Variants in MIPOL1 observed in about 807,000 individuals in gnomAD.
MIPOL1 encodes mirror-image polydactyly gene 1 protein.
In MIPOL1, 57 loss-of-function variants were observed where a neutral mutation model predicts 60.9. That is an observed-to-expected ratio of 0.94 (90% confidence interval 0.76 to 1.17). The LOEUF is 1.17. MIPOL1 is among the 50% of genes most tolerant of loss of function. The pLI is 0.00. For synonymous variants in MIPOL1, 179 were observed against 168.8 expected, an observed-to-expected ratio of 1.06 and a Z score of -0.47; for missense variants, 551 against 511.6, an observed-to-expected ratio of 1.08 and a Z score of -0.74.
At chr14:37,207,328 T>C (rs745416365) in intron 1 of MIPOL1, among the ~76,000 whole-genome samples, 8 of 152,098 alleles carry the variant, frequency 5.3e-5, no homozygotes, top group Admixed American at 1.3e-4. Flanking sequence ...CCTTTTACCT[T>C]CCATGATGAT....
intron 6 of MIPOL1, among the ~76,000 whole-genome samples, chr14:37,272,840 A>G (rs1260347900): frequency 6.6e-6 from 1 of 151,616 alleles, no homozygotes; most frequent in African/African-American, 2.4e-5. Context: ...AAAAAGATCA[A>G]ACCATTTCAC....
chr14:37,288,339 T>C (rs761282160), intron 7 of MIPOL1, among the ~76,000 whole-genome samples: 1 of 151,866 alleles, frequency 6.6e-6, no homozygotes, highest in Non-Finnish European at 1.5e-5. Flanking sequence ...AAAAGAGAGA[T>C]AGGGAGTGGG....
intron 12 of MIPOL1, among the ~76,000 whole-genome samples, chr14:37,520,963 G>A (rs892636617): frequency 3.5e-5 from 4 of 114,102 alleles, no homozygotes; most frequent in African/African-American, 1.4e-4. Context: ...TTAAGGCGGA[G>A]TGTTGCTCTG....
intron 1 of MIPOL1, among the ~76,000 whole-genome samples, chr14:37,236,989 C>CG (rs1487321975): frequency 6.6e-6 from 1 of 152,094 alleles, no homozygotes; most frequent in African/African-American, 2.4e-5. Flanking sequence ...TGGGCATGTG[C>CG]GGGCTTTCTA....
intron 3 of MIPOL1, among the ~76,000 whole-genome samples, chr14:37,251,211 T>C (rs1005053369): frequency 6.6e-6 from 1 of 151,800 alleles, no homozygotes; most frequent in African/African-American, 2.4e-5. Context: ...CAGGCATGAG[T>C]CACTGTATCT....
intron 9 of MIPOL1, among the ~76,000 whole-genome samples, chr14:37,328,546 C>T (rs2089402273): frequency 6.6e-6 from 1 of 151,838 alleles, no homozygotes; most frequent in African/African-American, 2.4e-5. Context: ...AAAATTCAAA[C>T]ATATAGTTTT....
At chr14:37,391,570 AT>A (rs1182793430) in intron 10 of MIPOL1, among the ~76,000 whole-genome samples, 1 of 151,620 alleles carries the variant, frequency 6.6e-6, no homozygotes, top group Admixed American at 6.6e-5. Flanking sequence ...TAATTTTTTT[AT>A]TTTTAGTAGA....
At chr14:37,443,969 G>A (rs1435559135) in intron 11 of MIPOL1, among the ~76,000 whole-genome samples, 2 of 152,066 alleles carry the variant, frequency 1.3e-5, no homozygotes, top group Non-Finnish European at 2.9e-5. Flanking sequence ...TGTTCAGTCT[G>A]ACTGATAAAG....
intron 9 of MIPOL1, among the ~76,000 whole-genome samples, chr14:37,340,819 G>A (rs2090516340): frequency 6.6e-6 from 1 of 152,010 alleles, no homozygotes; most frequent in Non-Finnish European, 1.5e-5. Flanking sequence ...GTACAAAAAT[G>A]TCCTAGGCCT....
intron 12 of MIPOL1, among the ~76,000 whole-genome samples, chr14:37,513,631 C>A (rs1390030358): frequency 6.6e-6 from 1 of 152,060 alleles, no homozygotes; most frequent in East Asian, 1.9e-4. Context: ...AAAAAGGGCT[C>A]TTTAAACCTA....
intron 12 of MIPOL1, among the ~76,000 whole-genome samples, chr14:37,521,894 AT>A (rs1401434434): frequency 0.064 from 1,622 of 25,152 alleles, 23 homozygotes; most frequent in African/African-American, 0.14. Flanking sequence ...AGAAAAAAAA[AT>A]ATATATATAT....
intron 5 of MIPOL1, 68 bp from the exon 6 acceptor site, chr14:37,270,352 G>A: frequency 1.3e-6 from 1 of 785,356 alleles, no homozygotes; most frequent in South Asian, 3.1e-5. Context: ...CAAAAACTTT[G>A]AAATTAATTA....
chr14:37,479,926 T>C (rs1344347327), intron 11 of MIPOL1, among the ~76,000 whole-genome samples: 2 of 152,084 alleles, frequency 1.3e-5, no homozygotes, highest in Non-Finnish European at 2.9e-5. Context: ...GCCAATAAAT[T>C]GAATAACCTG....
intron 12 of MIPOL1, among the ~76,000 whole-genome samples, chr14:37,537,223 T>C (rs183690289): frequency 5.9e-5 from 9 of 152,258 alleles, no homozygotes; most frequent in Admixed American, 2.6e-4. Context: ...GATCTTAATA[T>C]GAAGATTAAC....
intron 7 of MIPOL1, among the ~76,000 whole-genome samples, chr14:37,295,404 C>A: frequency 6.6e-6 from 1 of 152,130 alleles, no homozygotes; most frequent in East Asian, 1.9e-4. Context: ...AACTAATAAG[C>A]AAAATAACCA....
At chr14:37,364,484 G>T (rs1334322762) in intron 9 of MIPOL1, among the ~76,000 whole-genome samples, 1 of 152,164 alleles carries the variant, frequency 6.6e-6, no homozygotes, top group Admixed American at 6.5e-5. Flanking sequence ...TGAAGAGACT[G>T]TCTTTTCCCC....
At chr14:37,390,685 C>A (rs8010033) in intron 10 of MIPOL1, among the ~76,000 whole-genome samples, 12,885 of 151,768 alleles carry the variant, frequency 0.085, 1,848 homozygotes, top group African/African-American at 0.3. Context: ...TAGCAGAAAA[C>A]AGGATTAGTA....
chr14:37,380,269 C>T (rs770558021), intron 10 of MIPOL1, among the ~76,000 whole-genome samples: 6 of 152,080 alleles, frequency 3.9e-5, no homozygotes, highest in African/African-American at 9.7e-5. Flanking sequence ...GTTCTGTTCC[C>T]TTGCCAGCCT....
rs777839043 is a variant in MIPOL1, at chr14:37,488,798, G to A, written c.1032-11110G>A. Among the ~76,000 whole-genome samples, 10 of 152,034 alleles carry A rather than the reference G, an allele frequency of 6.6e-5. No individual in the cohort carries two copies. In the South Asian group the frequency reaches 1.5e-3, roughly 22 times the overall value. Reference sequence around the variant, plus strand: ...TCTTCTGGCTTGTAGGTTTTCTCCCGAGAGATCTGCTGTTAGTCTGATGGG... The same window carrying A: ...TCTTCTGGCTTGTAGGTTTTCTCCCAAGAGATCTGCTGTTAGTCTGATGGG... On this transcript the variant is annotated intron_variant, in intron 11 of 12. Coordinates refer to ENST00000684589, the MANE Select transcript of MIPOL1 (RefSeq NM_001388067.1).
Sources: gnomAD v4.1 joint callset for allele counts (sites outside exome capture counted in the v4.1 genomes callset) on GRCh38, gnomAD v4.1.1 for gene constraint, MANE v1.5 for transcripts, NCBI Gene and HGNC (gene_info 2026-07-23, HGNC 2026-07-21) for gene names.